The following PRR5 variants were observed in gnomAD, a reference collection of about 807,000 sequenced individuals.
PRR5 encodes proline rich 5.
Under a neutral mutation model 30.6 loss-of-function variants are expected in PRR5, and 25 were observed. The ratio of observed to expected loss-of-function variants is 0.82; its 90% CI spans 0.60 to 1.14. The LOEUF (loss-of-function observed/expected upper bound fraction) is 1.14, where lower values mean the gene tolerates loss of function less well. Among genes scored for constraint, PRR5 ranks in the 50% most tolerant of loss-of-function variants. PRR5 has a pLI of 0.00. For missense variants in PRR5, 600 were observed against 547.1 expected (o/e 1.10, Z -0.96); for synonymous variants, 286 against 247.1 (o/e 1.16, Z -1.48).
chr22:44,674,223 C>T (rs543890552), upstream of PRR5, among the ~76,000 whole-genome samples: 5 of 151,974 alleles, frequency 3.3e-5, no homozygotes, highest in Non-Finnish European at 5.9e-5. Context: ...GGCACAATCA[C>T]CACATTCCGG....
intron 1 of PRR5, among the ~76,000 whole-genome samples, chr22:44,709,163 G>A (rs1036001068): frequency 2.6e-5 from 4 of 151,792 alleles, no homozygotes; most frequent in East Asian, 1.9e-4. Context: ...GCCTGTGTTC[G>A]GCTCCCCACC....
At chr22:44,680,626 C>A (rs191780711) in intron 1 of PRR5, among the ~76,000 whole-genome samples, 506 of 152,324 alleles carry the variant, frequency 3.3e-3, no homozygotes, top group Non-Finnish European at 4.2e-3. Context: ...GAAGCTGCTG[C>A]ATCTTCCCAT....
At chr22:44,725,339 G>A (rs1306075180) in intron 3 of PRR5, 47 bp downstream of exon 3, 7 of 1,609,036 alleles carry the variant, frequency 4.4e-6, no homozygotes, top group Non-Finnish European at 5.9e-6. Context: ...TCATGAGCCA[G>A]CCAGAAAGCA....
At chr22:44,685,758 A>G (rs902287861) in intron 1 of PRR5, among the ~76,000 whole-genome samples, 1 of 152,262 alleles carries the variant, frequency 6.6e-6, no homozygotes, top group African/African-American at 2.4e-5. Context: ...CAGAACTTCT[A>G]CACAGAATCC....
intron 1 of PRR5, among the ~76,000 whole-genome samples, chr22:44,677,543 A>G (rs952253223): frequency 2.6e-5 from 4 of 152,364 alleles, no homozygotes; most frequent in African/African-American, 9.6e-5. Flanking sequence ...CTACTGCTGC[A>G]TGGGGTGGGA....
Position 44,702,382 on chromosome 22 carries a change from A to C in PRR5, c.-93A>C, listed in dbSNP as rs1437089040. 1 of 1,202,866 alleles carries C rather than the reference A, an allele frequency of 8.3e-7. No individual in the cohort carries two copies. The highest frequency in any genetic ancestry group is 1.0e-6 in the Non-Finnish European group (1 of 967,100). The allele number at this position is 1,202,866 out of a possible 1,614,324, so 74.5% of individuals were successfully genotyped here. On this transcript the variant is annotated 5_prime_UTR_variant, in exon 1 of 8. Coordinates refer to ENST00000336985, the MANE Select transcript of PRR5 (RefSeq NM_181333.4). ...TGCTCTCGCCGGAGTTTCCGCGTAGAGGGCGCATCGCCGGCCCGGGGCCCT... is the reference window on the plus strand; with the variant it reads ...TGCTCTCGCCGGAGTTTCCGCGTAGCGGGCGCATCGCCGGCCCGGGGCCCT...
chr22:44,729,451 C>A, intron 4 of PRR5: 1 of 985,464 alleles, frequency 1.0e-6, no homozygotes, highest in Non-Finnish European at 1.2e-6. Flanking sequence ...TCAGCCCCTG[C>A]TACTGCCAGG....
At chr22:44,707,156 C>T (rs1382065989) in intron 1 of PRR5, among the ~76,000 whole-genome samples, 2 of 152,240 alleles carry the variant, frequency 1.3e-5, no homozygotes, top group Non-Finnish European at 2.9e-5. Flanking sequence ...AGCTCCCAGG[C>T]AGCTCCAGTT....
intron 1 of PRR5, among the ~76,000 whole-genome samples, chr22:44,708,257 C>T (rs993245407): frequency 6.6e-6 from 1 of 152,126 alleles, no homozygotes; most frequent in Non-Finnish European, 1.5e-5. Flanking sequence ...GAAAGGCACT[C>T]GATCAAGATC....
chr22:44,693,795 ATTTTT>A (rs61604082), intron 1 of PRR5, among the ~76,000 whole-genome samples: 5 of 79,618 alleles, frequency 6.3e-5, no homozygotes, highest in East Asian at 3.9e-4. Context: ...ACACTCGGCT[ATTTTT>A]TTTTTTTTTT....
chr22:44,703,759 T>C (rs1601997195), intron 1 of PRR5, among the ~76,000 whole-genome samples: 2 of 152,326 alleles, frequency 1.3e-5, no homozygotes, highest in Non-Finnish European at 2.9e-5. Context: ...GGCTCACACC[T>C]GTAATCCTAG....
At position 44,688,192 on chromosome 22, in the gene PRR5, T is replaced by G. The variant is rs868286492; in HGVS notation, c.-11+10952T>G. On this transcript the variant is annotated intron_variant, in intron 1 of 8. Transcript: ENST00000006251. Reference sequence around the variant, plus strand: ...TGAAGTCAGGAGTTTGAGACCAGCCTGGCCAACAAGGTGAAACCCCGTCTC... The same window carrying G: ...TGAAGTCAGGAGTTTGAGACCAGCCGGGCCAACAAGGTGAAACCCCGTCTC... Among the ~76,000 whole-genome samples the G allele has an allele frequency of 1.3e-4, 19 of 149,594 alleles. 1 individual carries two copies. Among genetic ancestry groups the G allele is most frequent in the South Asian group, 1.1e-3 (5 of 4,576 alleles).
chr22:44,695,540 C>A (rs996767988), intron 1 of PRR5, among the ~76,000 whole-genome samples: 1 of 151,998 alleles, frequency 6.6e-6, no homozygotes, highest in Non-Finnish European at 1.5e-5. Context: ...ATATAAGAAG[C>A]CTCTCTTCAT....
At chr22:44,668,924 G>C (rs1336211451) in intron 1 of PRR5, 2 of 150,326 alleles carry the variant, frequency 1.3e-5, no homozygotes, top group Admixed American at 6.6e-5. Flanking sequence ...CGGCGGAGCG[G>C]CGCGCGCGTG....
Position 44,735,077 on chromosome 22 carries a change from G to A in PRR5, c.606G>A (p.Thr202=), listed in dbSNP as rs76311601. The change falls in exon 7 of 8, where the codon ACG becomes ACA. Residue 202 remains threonine, a synonymous_variant. Transcript: ENST00000336985. ...GVTEDYLRLE[T]LVQKVVSPYL... ...CTGAGGACTACCTGCGCCTGGAGAC[G>A]CTGGTCCAGAAGGTGGTGTCGCCAT... 1.4e-3 allele frequency: 2,266 copies of A among 1,612,062 alleles called. 41 individuals are homozygous for A. The East Asian group carries it at 0.042, about 30-fold the overall frequency.
At chr22:44,682,708 G>A (rs767475277) in intron 1 of PRR5, among the ~76,000 whole-genome samples, 128 of 152,172 alleles carry the variant, frequency 8.4e-4, no homozygotes, top group Non-Finnish European at 5.3e-4. Flanking sequence ...CGGGAATGTC[G>A]CAGAGACAAT....
intron 1 of PRR5, among the ~76,000 whole-genome samples, chr22:44,713,879 T>C (rs1482028580): frequency 2.0e-5 from 3 of 152,126 alleles, no homozygotes; most frequent in South Asian, 4.1e-4. Flanking sequence ...TCTCGGCTCA[T>C]CGCAAGCTCT....
At chr22:44,694,520 A>G (rs1925574708) in intron 1 of PRR5, among the ~76,000 whole-genome samples, 1 of 152,146 alleles carries the variant, frequency 6.6e-6, no homozygotes, top group African/African-American at 2.4e-5. Context: ...GCAATAGAGC[A>G]AGACTCCATC....
chr22:44,702,290 G>T lies in PRR5; in HGVS notation c.-185G>T, dbSNP rs1000788809. On this transcript the variant is annotated 5_prime_UTR_variant, in exon 1 of 8. Transcript: ENST00000336985. Reference sequence around the variant, plus strand: ...CGTGCAATGATTAACCCGGCGGGGCGGCCGGCGCGGGACCCGAGACGGAGG... The same window carrying T: ...CGTGCAATGATTAACCCGGCGGGGCTGCCGGCGCGGGACCCGAGACGGAGG... 7.0e-6 allele frequency: 8 copies of T among 1,146,502 alleles called. No individual in the cohort carries two copies. Among genetic ancestry groups the T allele is most frequent in the African/African-American group, 6.6e-5 (4 of 61,032 alleles). 71.0% of individuals were successfully genotyped at this position (1,146,502 alleles called of 1,614,324 possible). A position where few individuals can be genotyped will look rare whatever the true frequency, so the allele number is the denominator to read the frequency against.
Sources: gnomAD v4.1 joint callset for allele counts (sites outside exome capture counted in the v4.1 genomes callset) on GRCh38, gnomAD v4.1.1 for gene constraint, MANE v1.5 for transcripts, NCBI Gene and HGNC (gene_info 2026-07-23, HGNC 2026-07-21) for gene names.